The following ZSCAN5A variants were observed in gnomAD, a reference collection of about 807,000 sequenced individuals.
ZSCAN5A encodes zinc finger and SCAN domain-containing protein 5A.
ZSCAN5A carries 12 observed loss-of-function variants against 23.7 expected under a neutral mutation model. The observed-to-expected ratio is 0.51, with a 90% CI of 0.32 to 0.82. The LOEUF is 0.82. Ranked by LOEUF, ZSCAN5A falls within the 40% of genes least tolerant of loss-of-function variation. The pLI is 0.03. For missense variants in ZSCAN5A, 597 were observed against 617.9 expected (o/e 0.97, Z 0.36); for synonymous variants, 257 against 239.9 (o/e 1.07, Z -0.66).
rs531682180 is a variant in ZSCAN5A at position 56,292,321 on chromosome 19, T to C, written c.-128+20962A>G. The stretch of plus-strand genomic sequence containing the variant: ...TTTTTAGAGACAGGATCTTGCTCTG[T>C]TGTCCAGGCTGGAGCACAGTGGTGC... On this transcript the variant is annotated intron_variant, in intron 2 of 5. Transcript: ENST00000683990. 3.9e-5 allele frequency among the ~76,000 whole-genome samples: 6 copies of C among 152,322 alleles called. No individual in the cohort carries two copies. In the East Asian group the frequency reaches 1.2e-3, roughly 29 times the overall value.
intron 2 of ZSCAN5A, among the ~76,000 whole-genome samples, chr19:56,345,851 A>C (rs1397036374): frequency 6.6e-6 from 1 of 152,244 alleles, no homozygotes; most frequent in Non-Finnish European, 1.5e-5. Flanking sequence ...TAAAACCCAA[A>C]GAGTAGACTT....
intron 2 of ZSCAN5A, among the ~76,000 whole-genome samples, chr19:56,327,932 TATG>T (rs1224044082): frequency 2.0e-5 from 3 of 149,326 alleles, no homozygotes; most frequent in Non-Finnish European, 4.4e-5. Context: ...TATATCAAAA[TATG>T]ATAGTATACA....
intron 2 of ZSCAN5A, among the ~76,000 whole-genome samples, chr19:56,242,892 C>A (rs1021884817): frequency 1.3e-5 from 2 of 152,100 alleles, no homozygotes; most frequent in Non-Finnish European, 2.9e-5. Context: ...GATTCTCCTG[C>A]CTCAGACTGC....
rs1185890501 is a variant in ZSCAN5A at position 56,351,947 on chromosome 19, G to A, written c.-358+11288C>T. Among the ~76,000 whole-genome samples the A allele has an allele frequency of 6.6e-6, 1 of 152,110 alleles. No homozygotes were observed. Among genetic ancestry groups the A allele is most frequent in the African/African-American group, 2.4e-5 (1 of 41,422 alleles). ...CGTTTGCAAGATGAAATTGTGTTGCGGGATGAAGATGTCATTACACTTTCT... is the reference window on the plus strand; with the variant it reads ...CGTTTGCAAGATGAAATTGTGTTGCAGGATGAAGATGTCATTACACTTTCT... On this transcript the variant is annotated intron_variant, in intron 2 of 6. Coordinates refer to the ZSCAN5A transcript ENST00000587340. The surrounding 1 kb of genome is among the most constrained non-coding windows in gnomAD (Gnocchi z 4.8).
chr19:56,269,906 A>G (rs535965978), intron 2 of ZSCAN5A, among the ~76,000 whole-genome samples: 3 of 152,318 alleles, frequency 2.0e-5, no homozygotes, highest in African/African-American at 7.2e-5. Context: ...TATGATAATA[A>G]ATCTATGTCG....
At chr19:56,291,804 G>A (rs764687698) in intron 2 of ZSCAN5A, among the ~76,000 whole-genome samples, 9 of 152,034 alleles carry the variant, frequency 5.9e-5, no homozygotes, top group Non-Finnish European at 1.2e-4. Flanking sequence ...CAAATAGATG[G>A]GATGTCTCAT....
intron 2 of ZSCAN5A, among the ~76,000 whole-genome samples, chr19:56,240,802 C>T (rs2035372599): frequency 1.3e-5 from 2 of 151,960 alleles, no homozygotes; most frequent in South Asian, 4.2e-4. Flanking sequence ...AATTCCTGGT[C>T]TCCAGTCATT....
intron 2 of ZSCAN5A, among the ~76,000 whole-genome samples, chr19:56,247,906 G>A (rs949173753): frequency 3.3e-5 from 5 of 152,218 alleles, no homozygotes; most frequent in African/African-American, 7.2e-5. Flanking sequence ...TAGCCAGGAT[G>A]GTCTCGATCT....
intron 2 of ZSCAN5A, among the ~76,000 whole-genome samples, chr19:56,302,648 TCC>T (rs201988390): frequency 1.1e-4 from 13 of 119,990 alleles, no homozygotes; most frequent in Non-Finnish European, 2.1e-4. Context: ...TTCCTTTTCT[TCC>T]CCCCCTCCCT....
In ZSCAN5A at chr19:56,340,355, G is replaced by A. The variant is rs147509101; in HGVS notation, c.-358+22880C>T. 2.3e-3 allele frequency among the ~76,000 whole-genome samples: 349 copies of A among 152,262 alleles called. 1 individual carries two copies. The highest frequency in any genetic ancestry group is 7.8e-3 in the African/African-American group (324 of 41,552). The stretch of plus-strand genomic sequence containing the variant: ...CAGCAGGGCAGCTCTCACTGCAGAC[G>A]GAATGAGAAAACTGGAGGAAGCAGA... On this transcript the variant is annotated intron_variant, in intron 2 of 6. Coordinates refer to the ZSCAN5A transcript ENST00000587340.
Position 56,236,691 on chromosome 19 carries a change from T to C in ZSCAN5A, c.-127-11518A>G, listed in dbSNP as rs866494368. 6.2e-3 allele frequency among the ~76,000 whole-genome samples: 270 copies of C among 43,254 alleles called. 1 individual carries two copies. Among genetic ancestry groups the C allele is most frequent in the African/African-American group, 0.011 (118 of 10,538 alleles). 28.4% of individuals were successfully genotyped at this position (43,254 alleles called of 152,430 possible). On this transcript the variant is annotated intron_variant, in intron 2 of 5. Transcript: ENST00000683990. ...TGATGGACGGTGGGCCAAGCCTCCATTCCAGCCTCTGATGGACGGTGGGCC... is the reference window on the plus strand; with the variant it reads ...TGATGGACGGTGGGCCAAGCCTCCACTCCAGCCTCTGATGGACGGTGGGCC...
intron 2 of ZSCAN5A, among the ~76,000 whole-genome samples, chr19:56,261,911 T>C (rs766795126): frequency 2.0e-4 from 31 of 152,226 alleles, no homozygotes; most frequent in African/African-American, 3.1e-4. Flanking sequence ...TACATATGGA[T>C]AGACGGATAG....
chr19:56,262,771 T>C (rs1236620654), intron 2 of ZSCAN5A, among the ~76,000 whole-genome samples: 2 of 152,298 alleles, frequency 1.3e-5, no homozygotes, highest in Non-Finnish European at 2.9e-5. Context: ...AAGTCATCCA[T>C]GTGGTTGTAT....
chr19:56,366,548 T>C (rs933583343), intron 1 of ZSCAN5A, among the ~76,000 whole-genome samples: 4 of 151,418 alleles, frequency 2.6e-5, no homozygotes, highest in African/African-American at 9.7e-5. Flanking sequence ...CAAACCCAAC[T>C]CAGTGTAACT....
intron 2 of ZSCAN5A, chr19:56,246,311 G>C (rs1385330414): frequency 2.7e-6 from 1 of 376,192 alleles, no homozygotes; most frequent in Non-Finnish European, 4.8e-6. Context: ...GTTTTCCATT[G>C]TCAGGAAGAG....
At chr19:56,342,095 T>C (rs1329853662) in intron 2 of ZSCAN5A, among the ~76,000 whole-genome samples, 1 of 152,210 alleles carries the variant, frequency 6.6e-6, no homozygotes, top group African/African-American at 2.4e-5. Flanking sequence ...CTATCATTTC[T>C]CTTTATAGAC....
upstream of ZSCAN5A, among the ~76,000 whole-genome samples, chr19:56,318,919 ATTG>A (rs1176956392): frequency 9.9e-5 from 15 of 152,168 alleles, no homozygotes. Context: ...CATTATCATT[ATTG>A]TTATGACTGT....
intron 2 of ZSCAN5A, among the ~76,000 whole-genome samples, chr19:56,293,535 C>T (rs960490091): frequency 6.6e-5 from 10 of 152,108 alleles, no homozygotes; most frequent in African/African-American, 2.4e-4. Context: ...GCACTGTGGG[C>T]GCCGGTCCTG....
chr19:56,258,836 T>A (rs561753705), intron 2 of ZSCAN5A, among the ~76,000 whole-genome samples: 1 of 152,090 alleles, frequency 6.6e-6, no homozygotes, highest in African/African-American at 2.4e-5. Flanking sequence ...TGAGGCTAGG[T>A]CAGAAAAGAC....
Sources: allele counts gnomAD v4.1 joint callset (sites outside exome capture counted in the v4.1 genomes callset), GRCh38; gene constraint gnomAD v4.1.1; non-coding constraint Gnocchi (gnomAD v3.1); transcripts MANE v1.5; gene names NCBI Gene and HGNC (gene_info 2026-07-23, HGNC 2026-07-21).